The following ANO4 variants were observed in gnomAD, a reference collection of about 807,000 sequenced individuals.
ANO4 encodes anoctamin-4.
Under a neutral mutation model 141.9 loss-of-function variants are expected in ANO4, and 69 were observed. That is an observed-to-expected ratio of 0.49 (90% CI 0.40 to 0.59). ANO4 has a LOEUF of 0.59. Among genes scored for constraint, ANO4 ranks in the 20% least tolerant of loss-of-function variants. The pLI is 0.00. For missense variants in ANO4, 894 were observed against 1,162.2 expected (o/e 0.77, Z 3.36); for synonymous variants, 350 against 394.3 (o/e 0.89, Z 1.33).
At chr12:100,813,905 T>C (rs953584724) in intron 1 of ANO4, among the ~76,000 whole-genome samples, 2 of 152,164 alleles carry the variant, frequency 1.3e-5, no homozygotes, top group South Asian at 2.1e-4. Flanking sequence ...CTTTTTGTTT[T>C]GTTTTGTTTT....
chr12:100,825,359 G>T (rs1203674496), intron 1 of ANO4, among the ~76,000 whole-genome samples: 1 of 151,930 alleles, frequency 6.6e-6, no homozygotes, highest in African/African-American at 2.4e-5. Context: ...GATTTCATTT[G>T]GTCCTTCAAC....
intron 1 of ANO4, among the ~76,000 whole-genome samples, chr12:100,889,711 A>G (rs1381649661): frequency 2.6e-5 from 4 of 152,230 alleles, no homozygotes; most frequent in East Asian, 1.9e-4. Flanking sequence ...ACCAGTTAGA[A>G]TGGCAATCAT....
intron 7 of ANO4, among the ~76,000 whole-genome samples, chr12:100,986,273 C>T (rs1188326557): frequency 6.6e-6 from 1 of 152,122 alleles, no homozygotes; most frequent in Non-Finnish European, 1.5e-5. Flanking sequence ...TGGTGTAAGT[C>T]CCATTTCCAG....
At chr12:101,038,949 C>G (rs1183354143) in intron 10 of ANO4, 1 of 152,158 alleles carries the variant, frequency 6.6e-6, no homozygotes, top group Middle Eastern at 3.4e-3. Flanking sequence ...AAGGGCTTCT[C>G]CACTTAATAT....
At chr12:100,987,772 A>G (rs1050858792) in intron 8 of ANO4, 102 bp downstream of exon 8, 4 of 1,467,846 alleles carry the variant, frequency 2.7e-6, no homozygotes, top group Non-Finnish European at 3.7e-6. Flanking sequence ...AAGGAACAGC[A>G]TAGTGCCCTT....
intron 3 of ANO4, among the ~76,000 whole-genome samples, chr12:100,924,497 A>C (rs1012541017): frequency 4.6e-5 from 7 of 152,148 alleles, no homozygotes; most frequent in Admixed American, 3.9e-4. Context: ...CCTGAAACTG[A>C]AGATTAGGCT....
At chr12:100,998,052 G>A (rs1335493830) in intron 8 of ANO4, among the ~76,000 whole-genome samples, 2 of 152,184 alleles carry the variant, frequency 1.3e-5, no homozygotes, top group African/African-American at 4.8e-5. Flanking sequence ...GATGCAAAGT[G>A]TTGATCCTGG....
intron 5 of ANO4, among the ~76,000 whole-genome samples, chr12:100,955,389 T>TGTGGGCC (rs1372174346): frequency 2.0e-5 from 3 of 152,214 alleles, no homozygotes; most frequent in Non-Finnish European, 4.4e-5. Context: ...GGTTGTGGGC[T>TGTGGGCC]GTGGGCCTCT....
At position 101,042,531 on chromosome 12, in the gene ANO4, T is replaced by TG. The variant is rs2047450004; in HGVS notation, c.1154+68dup. On this transcript the variant is annotated intron_variant, in intron 12 of 27. Coordinates refer to ENST00000392977, the MANE Select transcript of ANO4 (RefSeq NM_001286615.2). ...TACTTAGAGGTGGCTGTTTGCACTT[T>TG]GGGGGTATTCACAGATTGTGGAGAC... 4.4e-6 allele frequency: 7 copies of TG among 1,591,732 alleles called. No homozygotes were observed. In the South Asian group the frequency reaches 7.8e-5, roughly 18 times the overall value.
intron 5 of ANO4, among the ~76,000 whole-genome samples, chr12:100,951,034 T>TAATC (rs2042949989): frequency 6.6e-6 from 1 of 152,200 alleles, no homozygotes; most frequent in South Asian, 2.1e-4. Flanking sequence ...GTTGCTAGTG[T>TAATC]AATCACTTTG....
chr12:101,110,706 T>C (rs1200805727), intron 23 of ANO4, 150 bp downstream of exon 23: 1 of 687,268 alleles, frequency 1.5e-6, no homozygotes, highest in Non-Finnish European at 2.1e-6. Context: ...TAGTTTTAAA[T>C]AATATTAGAC....
chr12:101,066,909 A>G, intron 14 of ANO4: 2 of 850,422 alleles, frequency 2.4e-6, no homozygotes, highest in East Asian at 2.4e-5. Flanking sequence ...CCCACATTTC[A>G]GAATCCAGAG....
At chr12:100,792,045 A>G (rs1226841895), upstream of ANO4, among the ~76,000 whole-genome samples, 1 of 152,062 alleles carries the variant, frequency 6.6e-6, no homozygotes, top group African/African-American at 2.4e-5. Context: ...TCTGATGTCA[A>G]AAATGGAATT....
rs59975425 is a variant in ANO4, at chr12:100,991,513, TAAAAAA to T, written c.734+3859_734+3864del. 1.4e-4 allele frequency among the ~76,000 whole-genome samples: 16 copies of T among 111,150 alleles called. No homozygotes were observed. In the South Asian group the frequency reaches 4.2e-3, roughly 29 times the overall value. The allele number at this position is 111,150 out of a possible 152,430, so 72.9% of individuals were successfully genotyped here. ...AGGTGGGAGGAGGGCATGAAAATAG[TAAAAAA>T]AAAAAAAAAAAAAAAGAGAAAAACA... On this transcript the variant is annotated intron_variant, in intron 8 of 27. Coordinates refer to ENST00000392977, the MANE Select transcript of ANO4 (RefSeq NM_001286615.2).
At chr12:101,049,446 A>G (rs1018840457) in intron 14 of ANO4, among the ~76,000 whole-genome samples, 2 of 151,260 alleles carry the variant, frequency 1.3e-5, no homozygotes, top group Non-Finnish European at 1.5e-5. Flanking sequence ...TAGTAGATTT[A>G]TGGTCCTTGA....
In ANO4 at chr12:101,126,564, T is replaced by G. The variant is rs190178941; in HGVS notation, c.2677-315T>G. Among the ~76,000 whole-genome samples, 6 of 152,334 alleles carry G rather than the reference T, an allele frequency of 3.9e-5. No homozygotes were observed. In the East Asian group the frequency reaches 1.2e-3, roughly 29 times the overall value. ...CATCCTCAGGTAGACAGACAGCCCT[T>G]AAGCAGTGAAAGCTACCAGCTTCAA... On this transcript the variant is annotated intron_variant, in intron 26 of 27. Transcript: ENST00000392977.
chr12:100,906,607 T>C (rs1205883008), intron 2 of ANO4, among the ~76,000 whole-genome samples: 1 of 152,052 alleles, frequency 6.6e-6, no homozygotes, highest in African/African-American at 2.4e-5. Flanking sequence ...GAGGCCAAGA[T>C]GTGAAAATGA....
intron 3 of ANO4, among the ~76,000 whole-genome samples, chr12:100,931,328 A>G (rs539836359): frequency 6.6e-6 from 1 of 152,318 alleles, no homozygotes; most frequent in African/African-American, 2.4e-5. Context: ...TACAGATGTA[A>G]AGTCTAGCTT....
In ANO4 at chr12:100,771,160, C is replaced by T. The variant is rs79503202; in HGVS notation, c.358+31055C>T. Among the ~76,000 whole-genome samples, 14 of 152,174 alleles carry T rather than the reference C, an allele frequency of 9.2e-5. No individual in the cohort carries two copies. In the East Asian group the frequency reaches 1.5e-3, roughly 17 times the overall value. Reference sequence around the variant, plus strand: ...AACTACCAATTTTTGGCCAGTGAACCGACCTGCTGCAGGCAGGTATGGGCA... The same window carrying T: ...AACTACCAATTTTTGGCCAGTGAACTGACCTGCTGCAGGCAGGTATGGGCA... On this transcript the variant is annotated intron_variant, in intron 3 of 29. Transcript: ENST00000644049.
Sources: gnomAD v4.1 joint callset for allele counts (sites outside exome capture counted in the v4.1 genomes callset) on GRCh38, gnomAD v4.1.1 for gene constraint, MANE v1.5 for transcripts, NCBI Gene and HGNC (gene_info 2026-07-23, HGNC 2026-07-21) for gene names.